RAPGEF6: variants seen among roughly 807,000 people sequenced by gnomAD.
RAPGEF6 encodes the protein Rap guanine nucleotide exchange factor 6.
In RAPGEF6, 56 loss-of-function variants were observed where a neutral mutation model predicts 171.4. That is an observed-to-expected ratio of 0.33 (90% CI 0.26 to 0.41). The LOEUF (loss-of-function observed/expected upper bound fraction) is 0.41. Ranked by LOEUF, RAPGEF6 falls within the 10% of genes least tolerant of loss-of-function variation. RAPGEF6 has a pLI of 1.00. For missense variants in RAPGEF6, 1,674 were observed against 1,921.4 expected (o/e 0.87, Z 2.41); for synonymous variants, 692 against 650.1 (o/e 1.06, Z -0.98).
At chr5:131,608,825 T>TC (rs914701319) in intron 1 of RAPGEF6, among the ~76,000 whole-genome samples, 2 of 152,104 alleles carry the variant, frequency 1.3e-5, no homozygotes, top group South Asian at 2.1e-4. Context: ...CTTTTTTTTT[T>TC]CGCAGCATCA....
chr5:131,433,741 AAC>A, intron 24 of RAPGEF6, 83 bp from the exon 25 acceptor site: 2 of 1,048,112 alleles, frequency 1.9e-6, no homozygotes, highest in African/African-American at 1.6e-5. Flanking sequence ...GAAAAAAAAA[AAC>A]CCCACAAAAA....
intron 1 of RAPGEF6, among the ~76,000 whole-genome samples, chr5:131,605,411 G>A (rs1052495574): frequency 1.3e-5 from 2 of 152,186 alleles, no homozygotes; most frequent in African/African-American, 4.8e-5. Flanking sequence ...GCTGATGGGT[G>A]CAGCACACCA....
rs921581985 is a variant in RAPGEF6 at position 131,521,604 on chromosome 5, T to G, written c.496-83A>C. 7.2e-6 allele frequency: 9 copies of G among 1,258,336 alleles called. No homozygotes were observed. In the African/African-American group the frequency reaches 9.2e-5, roughly 13 times the overall value. 77.9% of individuals were successfully genotyped at this position (1,258,336 alleles called of 1,614,324 possible). Reference sequence around the variant, plus strand: ...TTTCGACATGTTCAACAAATTTTTATGTACATTACTGTGCAATCTCTTTTT... The same window carrying G: ...TTTCGACATGTTCAACAAATTTTTAGGTACATTACTGTGCAATCTCTTTTT... On this transcript the variant is annotated intron_variant, in intron 6 of 27. Transcript: ENST00000509018.
Position 131,595,873 on chromosome 5 carries a change from T to C in RAPGEF6, c.198-3407A>G, listed in dbSNP as rs553574184. Among the ~76,000 whole-genome samples, 3 of 151,964 alleles carry C rather than the reference T, an allele frequency of 2.0e-5. No homozygotes were observed. The East Asian group carries it at 5.8e-4, about 29-fold the overall frequency. ...TAGATTGAAAGTTAAGGGACAGAGG[T>C]TGGGTGCAGTGGCTTATGCCTGTAA... On this transcript the variant is annotated intron_variant, in intron 3 of 27. Coordinates refer to ENST00000509018, the MANE Select transcript of RAPGEF6 (RefSeq NM_016340.6).
intron 1 of RAPGEF6, among the ~76,000 whole-genome samples, chr5:131,627,175 G>A (rs1765984002): frequency 6.6e-6 from 1 of 152,228 alleles, no homozygotes; most frequent in African/African-American, 2.4e-5. Flanking sequence ...GCTGCCAACA[G>A]ATTATGAAGG....
intron 4 of RAPGEF6, among the ~76,000 whole-genome samples, chr5:131,586,457 CCT>C (rs1763260892): frequency 2.0e-5 from 3 of 152,104 alleles, no homozygotes; most frequent in African/African-American, 7.2e-5. Flanking sequence ...GTGGTGAAAC[CCT>C]GTCTCTACTA....
chr5:131,470,358 T>C (rs1561489481), intron 17 of RAPGEF6, among the ~76,000 whole-genome samples: 1 of 152,226 alleles, frequency 6.6e-6, no homozygotes, highest in Admixed American at 6.5e-5. Context: ...CTTTTCTTTA[T>C]AGGTCTGAAT....
At chr5:131,445,612 T>G (rs1402209138) in intron 22 of RAPGEF6, among the ~76,000 whole-genome samples, 2 of 152,100 alleles carry the variant, frequency 1.3e-5, no homozygotes, top group East Asian at 3.9e-4. Context: ...AGACTGAGTC[T>G]CACTTTGTTG....
chr5:131,433,284 T>G (rs1421575849), intron 25 of RAPGEF6, 146 bp downstream of exon 25: 2 of 652,708 alleles, frequency 3.1e-6, no homozygotes, highest in Non-Finnish European at 5.4e-6. Flanking sequence ...ATATTCAGAA[T>G]AGAGAATATG....
At chr5:131,632,517 A>G (rs1311746745) in intron 1 of RAPGEF6, among the ~76,000 whole-genome samples, 1 of 152,078 alleles carries the variant, frequency 6.6e-6, no homozygotes, top group Non-Finnish European at 1.5e-5. Context: ...TAAGCTACAT[A>G]TTATGTAACT....
intron 1 of RAPGEF6, among the ~76,000 whole-genome samples, chr5:131,624,289 T>C (rs1283564735): frequency 2.6e-5 from 4 of 152,166 alleles, no homozygotes; most frequent in Admixed American, 2.0e-4. Flanking sequence ...CTTGTCCAAA[T>C]GCAAAATTCA....
intron 6 of RAPGEF6, among the ~76,000 whole-genome samples, chr5:131,527,994 G>A (rs1029138741): frequency 6.8e-6 from 1 of 146,140 alleles, no homozygotes; most frequent in Non-Finnish European, 1.5e-5. Context: ...CAGCCTGGGG[G>A]ACAGAGTGAG....
chr5:131,492,835 G>A (rs779522668), intron 13 of RAPGEF6, 50 bp from the exon 14 acceptor site: 117 of 1,521,930 alleles, frequency 7.7e-5, no homozygotes, highest in Non-Finnish European at 9.0e-5. Flanking sequence ...ATTCCTATAG[G>A]TTTTTAAAAA....
In RAPGEF6 at chr5:131,548,206, A is replaced by G; in HGVS notation, c.352-16T>C. ...CATTCTCTACCTGAAACACATGTTC[A>G]TATTCCTGATGAAATATCAAATTTT... On this transcript the variant is annotated splice_polypyrimidine_tract_variant and intron_variant, in intron 5 of 27. Transcript: ENST00000509018. 6.2e-7 allele frequency: 1 copy of G among 1,611,670 alleles called. No individual in the cohort carries two copies. Among genetic ancestry groups the G allele is most frequent in the Non-Finnish European group, 8.5e-7 (1 of 1,178,664 alleles).
chr5:131,581,520 C>T (rs1762958114), intron 4 of RAPGEF6, among the ~76,000 whole-genome samples: 1 of 152,100 alleles, frequency 6.6e-6, no homozygotes, highest in South Asian at 2.1e-4. Flanking sequence ...AATATCACCC[C>T]TTACCCCAAC....
At chr5:131,524,986 C>G (rs1209082317) in intron 6 of RAPGEF6, among the ~76,000 whole-genome samples, 2 of 151,956 alleles carry the variant, frequency 1.3e-5, no homozygotes, top group Non-Finnish European at 2.9e-5. Context: ...TCACACTGTA[C>G]CCCATAAATA....
chr5:131,567,518 T>C (rs910935095), intron 4 of RAPGEF6, among the ~76,000 whole-genome samples: 1 of 152,234 alleles, frequency 6.6e-6, no homozygotes, highest in Non-Finnish European at 1.5e-5. Context: ...CCTTGGTCTA[T>C]TATTCATTTA....
intron 3 of RAPGEF6, among the ~76,000 whole-genome samples, chr5:131,601,555 T>C (rs1171802520): frequency 1.3e-5 from 2 of 152,114 alleles, no homozygotes; most frequent in Non-Finnish European, 2.9e-5. Context: ...GATAGAAACA[T>C]AAATGTCATT....
intron 7 of RAPGEF6, among the ~76,000 whole-genome samples, chr5:131,511,696 T>C (rs762786836): frequency 1.6e-4 from 24 of 151,346 alleles, no homozygotes; most frequent in Admixed American, 7.2e-4. Flanking sequence ...TCGGGGGAGG[T>C]TGCTATGCTG....
Sources: gnomAD v4.1 joint callset for allele counts (sites outside exome capture counted in the v4.1 genomes callset) on GRCh38, gnomAD v4.1.1 for gene constraint, MANE v1.5 for transcripts, NCBI Gene and HGNC (gene_info 2026-07-23, HGNC 2026-07-21) for gene names.